HS6ST3: variants seen among roughly 807,000 people sequenced by gnomAD.
HS6ST3 encodes the protein heparan-sulfate 6-O-sulfotransferase 3.
HS6ST3 carries 12 observed loss-of-function variants against 36.7 expected under a neutral mutation model. That is an observed-to-expected ratio of 0.33 (90% CI 0.21 to 0.53). The LOEUF is 0.53. Among genes scored for constraint, HS6ST3 ranks in the 20% least tolerant of loss-of-function variants. The pLI, the probability that HS6ST3 is intolerant of heterozygous loss-of-function variation, is 0.95. For synonymous variants in HS6ST3, 240 were observed against 257.5 expected (o/e 0.93, Z 0.65); for missense variants, 584 against 640.9 (o/e 0.91, Z 0.96).
intron 1 of HS6ST3, among the ~76,000 whole-genome samples, chr13:96,174,598 CA>C (rs1416597058): frequency 6.6e-6 from 1 of 152,112 alleles, no homozygotes; most frequent in African/African-American, 2.4e-5. Flanking sequence ...TACCTATATA[CA>C]ACTTTCTCTC....
chr13:96,604,785 C>A (rs1159196085), intron 1 of HS6ST3, among the ~76,000 whole-genome samples: 1 of 152,106 alleles, frequency 6.6e-6, no homozygotes, highest in Non-Finnish European at 1.5e-5. Flanking sequence ...TACTTTGTTT[C>A]TTCTTTATTG....
chr13:96,567,990 A>G (rs901677081), intron 1 of HS6ST3, among the ~76,000 whole-genome samples: 1 of 152,234 alleles, frequency 6.6e-6, no homozygotes, highest in African/African-American at 2.4e-5. Flanking sequence ...TTATGGGCAT[A>G]TAATGCAACA....
intron 1 of HS6ST3, among the ~76,000 whole-genome samples, chr13:96,219,182 CCTT>C (rs1348952680): frequency 3.9e-5 from 6 of 152,234 alleles, no homozygotes; most frequent in Admixed American, 6.5e-5. Flanking sequence ...CTCCCTTTCA[CCTT>C]CTTTTCAAAA....
intron 1 of HS6ST3, among the ~76,000 whole-genome samples, chr13:96,388,788 A>G (rs1238252772): frequency 1.3e-5 from 2 of 152,128 alleles, no homozygotes; most frequent in Non-Finnish European, 2.9e-5. Context: ...TAATGGTTTT[A>G]TAAGCGTCTG....
At chr13:96,574,047 A>C in intron 1 of HS6ST3, 1 of 543,348 alleles carries the variant, frequency 1.8e-6, no homozygotes, top group East Asian at 5.1e-5. Context: ...GTGACATGGA[A>C]GACAGGGAGG....
chr13:96,339,893 C>T (rs1010292365), intron 1 of HS6ST3, among the ~76,000 whole-genome samples: 8 of 152,096 alleles, frequency 5.3e-5, no homozygotes, highest in Non-Finnish European at 7.3e-5. Flanking sequence ...AGAAGGCAGA[C>T]GATCAAGAAA....
At chr13:96,771,291 G>A (rs1877257537) in intron 1 of HS6ST3, among the ~76,000 whole-genome samples, 2 of 148,350 alleles carry the variant, frequency 1.3e-5, no homozygotes, top group Admixed American at 1.4e-4. Flanking sequence ...GGAGGGAGGA[G>A]GGATAGCATT....
At chr13:96,417,716 GTA>G (rs1223327414) in intron 1 of HS6ST3, among the ~76,000 whole-genome samples, 10 of 89,354 alleles carry the variant, frequency 1.1e-4, no homozygotes, top group Non-Finnish European at 2.1e-4. Flanking sequence ...GTACGTATCT[GTA>G]TATATAGCTT....
chr13:96,180,229 G>A (rs1594706419), intron 1 of HS6ST3, among the ~76,000 whole-genome samples: 1 of 152,146 alleles, frequency 6.6e-6, no homozygotes, highest in Non-Finnish European at 1.5e-5. Flanking sequence ...CTAAACTCAT[G>A]TGCATTAGTC....
At chr13:96,606,653 T>C in intron 1 of HS6ST3, among the ~76,000 whole-genome samples, 1 of 148,684 alleles carries the variant, frequency 6.7e-6, no homozygotes, top group African/African-American at 2.5e-5. Flanking sequence ...AGGGACTGCC[T>C]ATTGGGTGCT....
At chr13:96,660,487 G>A (rs2056642547) in intron 1 of HS6ST3, among the ~76,000 whole-genome samples, 1 of 152,008 alleles carries the variant, frequency 6.6e-6, no homozygotes, top group African/African-American at 2.4e-5. Flanking sequence ...CAAAAGAATG[G>A]AATTTGACTC....
At chr13:96,605,428 G>A (rs1033198329) in intron 1 of HS6ST3, among the ~76,000 whole-genome samples, 4 of 151,742 alleles carry the variant, frequency 2.6e-5, no homozygotes, top group Non-Finnish European at 5.9e-5. Context: ...TTTTTCTGTT[G>A]GAGTAGATAA....
intron 1 of HS6ST3, among the ~76,000 whole-genome samples, chr13:96,775,010 A>G (rs1877352600): frequency 6.6e-6 from 1 of 152,184 alleles, no homozygotes; most frequent in African/African-American, 2.4e-5. Context: ...ATGCCAGAAG[A>G]GAGTGGGGGC....
At chr13:96,424,123 C>A (rs1446857283) in intron 1 of HS6ST3, among the ~76,000 whole-genome samples, 1 of 152,164 alleles carries the variant, frequency 6.6e-6, no homozygotes, top group Non-Finnish European at 1.5e-5. Flanking sequence ...ATTACAATGA[C>A]CATATTTATT....
At chr13:96,303,841 C>G (rs1021057977) in intron 1 of HS6ST3, among the ~76,000 whole-genome samples, 1 of 152,108 alleles carries the variant, frequency 6.6e-6, no homozygotes, top group African/African-American at 2.4e-5. Flanking sequence ...TAGGAAGATT[C>G]AGCTTAAAAA....
intron 1 of HS6ST3, among the ~76,000 whole-genome samples, chr13:96,710,046 C>T (rs1875522865): frequency 6.6e-6 from 1 of 152,180 alleles, no homozygotes; most frequent in Non-Finnish European, 1.5e-5. Context: ...TGCTGTTTCT[C>T]AGTCACCTGG....
intron 1 of HS6ST3, among the ~76,000 whole-genome samples, chr13:96,572,145 C>G (rs1333383715): frequency 1.3e-5 from 2 of 152,316 alleles, no homozygotes; most frequent in South Asian, 2.1e-4. Context: ...ATTAATAGAT[C>G]TTGGGCGTGT....
chr13:96,687,448 A>G (rs1216351424), intron 1 of HS6ST3, among the ~76,000 whole-genome samples: 1 of 152,194 alleles, frequency 6.6e-6, no homozygotes, highest in Non-Finnish European at 1.5e-5. Context: ...AATTTAAAGA[A>G]TGACTACAAT....
rs148180462 is a variant in HS6ST3, at chr13:96,285,761, C to T, written c.707+194192C>T. Among the ~76,000 whole-genome samples, 81 of 152,220 alleles carry T rather than the reference C, an allele frequency of 5.3e-4. No homozygotes were observed. In the East Asian group the frequency reaches 0.015, roughly 28 times the overall value. On this transcript the variant is annotated intron_variant, in intron 1 of 1. Transcript: ENST00000376705. The stretch of plus-strand genomic sequence containing the variant: ...AAGCAAAAAGGGGAATTTCTGTGCT[C>T]GCATAACTGGCAAGTCTTATGGTTC...
Sources: gnomAD v4.1 joint callset for allele counts (sites outside exome capture counted in the v4.1 genomes callset) on GRCh38, gnomAD v4.1.1 for gene constraint, MANE v1.5 for transcripts, NCBI Gene and HGNC (gene_info 2026-07-23, HGNC 2026-07-21) for gene names.